The following IL1RAP variants were observed in gnomAD, a reference collection of about 807,000 sequenced individuals.
IL1RAP encodes interleukin 1 receptor accessory protein.
IL1RAP carries 35 observed loss-of-function variants against 60.7 expected under a neutral mutation model. The observed-to-expected ratio is 0.58, with a 90% CI of 0.44 to 0.76. IL1RAP has a LOEUF of 0.76. Among genes scored for constraint, IL1RAP ranks in the 30% least tolerant of loss-of-function variants. The probability of loss-of-function intolerance (pLI) is 0.00; values close to 1 mark genes in which losing one functional copy is unlikely to be tolerated. For synonymous variants in IL1RAP, 268 were observed against 250.9 expected (o/e 1.07, Z -0.64); for missense variants, 572 against 693.9 (o/e 0.82, Z 1.97).
chr3:190,526,069 A>C (rs1257167124), intron 1 of IL1RAP, among the ~76,000 whole-genome samples: 1 of 152,352 alleles, frequency 6.6e-6, no homozygotes, highest in South Asian at 2.1e-4. Flanking sequence ...GAAGTAGCTT[A>C]CAGGTCATCT....
At chr3:190,554,100 G>T (rs1238640123) in intron 1 of IL1RAP, among the ~76,000 whole-genome samples, 1 of 147,610 alleles carries the variant, frequency 6.8e-6, no homozygotes, top group Admixed American at 6.8e-5. Context: ...AAATGAGAGG[G>T]AAAGAGATTT....
intron 1 of IL1RAP, among the ~76,000 whole-genome samples, chr3:190,553,792 G>A (rs1725111361): frequency 6.6e-6 from 1 of 152,094 alleles, no homozygotes; most frequent in African/African-American, 2.4e-5. Flanking sequence ...CGGGCGCGGT[G>A]GCTCACGCCT....
intron 1 of IL1RAP, among the ~76,000 whole-genome samples, chr3:190,546,032 C>T (rs529456094): frequency 1.1e-4 from 17 of 152,234 alleles, no homozygotes; most frequent in African/African-American, 3.9e-4. Context: ...TGCCTGTAGT[C>T]ACCTCACACA....
At chr3:190,542,882 T>TA (rs1377648655) in intron 1 of IL1RAP, among the ~76,000 whole-genome samples, 1 of 107,596 alleles carries the variant, frequency 9.3e-6, no homozygotes, top group East Asian at 2.6e-4. Context: ...TAAGGGAATT[T>TA]TTTTTTTTTT....
chr3:190,604,693 C>T (rs1175518594), intron 4 of IL1RAP, among the ~76,000 whole-genome samples: 1 of 152,124 alleles, frequency 6.6e-6, no homozygotes, highest in African/African-American at 2.4e-5. Flanking sequence ...TCTCACCACA[C>T]CGGTTCCTGC....
chr3:190,644,793 G>A (rs1733894444), intron 10 of IL1RAP, among the ~76,000 whole-genome samples: 1 of 152,002 alleles, frequency 6.6e-6, no homozygotes, highest in Admixed American at 6.6e-5. Flanking sequence ...TGTTTTCTTT[G>A]GTACTAAAAA....
intron 5 of IL1RAP, among the ~76,000 whole-genome samples, chr3:190,615,625 C>T (rs1251237116): frequency 6.6e-6 from 1 of 152,162 alleles, no homozygotes; most frequent in Non-Finnish European, 1.5e-5. Flanking sequence ...AATGACTTTT[C>T]TATTATCTTT....
At chr3:190,533,194 G>A (rs1343428766) in intron 1 of IL1RAP, among the ~76,000 whole-genome samples, 1 of 152,158 alleles carries the variant, frequency 6.6e-6, no homozygotes, top group Non-Finnish European at 1.5e-5. Context: ...AGGTTGACAT[G>A]ACAAGGGATT....
chr3:190,556,376 T>TA (rs1018836833), intron 2 of IL1RAP, among the ~76,000 whole-genome samples, 160 bp downstream of exon 2: 2 of 151,626 alleles, frequency 1.3e-5, no homozygotes, highest in African/African-American at 4.8e-5. Context: ...ATAGCATTTT[T>TA]TATATATATA....
At chr3:190,617,128 A>T (rs1227519376) in intron 5 of IL1RAP, among the ~76,000 whole-genome samples, 2 of 152,092 alleles carry the variant, frequency 1.3e-5, no homozygotes, top group Non-Finnish European at 2.9e-5. Context: ...TTTCTTCATT[A>T]AGTTTTTCTA....
At chr3:190,521,399 G>C (rs560179857) in intron 1 of IL1RAP, among the ~76,000 whole-genome samples, 2 of 151,816 alleles carry the variant, frequency 1.3e-5, no homozygotes, top group East Asian at 3.9e-4. Flanking sequence ...CAGCCAAGCA[G>C]CTAATAAATA....
At chr3:190,537,050 T>C (rs1460607254) in intron 1 of IL1RAP, among the ~76,000 whole-genome samples, 1 of 152,140 alleles carries the variant, frequency 6.6e-6, no homozygotes, top group Non-Finnish European at 1.5e-5. Context: ...TTTTAGACAT[T>C]TACTTATTTA....
chr3:190,648,315 C>T (rs1734180494), intron 11 of IL1RAP, 23 bp from the exon 12 acceptor site: 10 of 1,553,084 alleles, frequency 6.4e-6, no homozygotes, highest in Non-Finnish European at 8.6e-6. Flanking sequence ...AACACTAATC[C>T]CCATGGTTGT....
intron 11 of IL1RAP, 42 bp from the exon 12 acceptor site, chr3:190,648,295 GT>G (rs35377038): frequency 2.0e-6 from 3 of 1,529,358 alleles, no homozygotes; most frequent in Non-Finnish European, 1.7e-6. Flanking sequence ...CTTTTGGGGA[GT>G]TTTTGGCCAA....
rs774347153 is a variant in IL1RAP, at chr3:190,645,750, A to G, written c.1253A>G (p.Glu418Gly). The change falls in exon 11 of 12, where the codon GAA (glutamate) becomes GGA (glycine). Residue 418 changes from glutamate to glycine, a missense_variant. By Grantham distance (98) the Glu-to-Gly change is moderately conservative. Transcript: ENST00000447382. Reference sequence around the variant, plus strand: ...TCCTATGCAAGGAATGCGGAAGAAGAAGAATTTGTATTACTGACCCTCCGT... The same window carrying G: ...TCCTATGCAAGGAATGCGGAAGAAGGAGAATTTGTATTACTGACCCTCCGT... ...YVSYARNAEEEEFVLLTLRGV... is the reference protein window; with the variant it reads ...YVSYARNAEEGEFVLLTLRGV... 6.2e-7 allele frequency: 1 copy of G among 1,613,148 alleles called. No homozygotes were observed. The highest frequency in any genetic ancestry group is 1.1e-5 in the South Asian group (1 of 91,056).
At chr3:190,656,319 C>A, downstream of IL1RAP, 1 of 1,537,224 alleles carries the variant, frequency 6.5e-7, no homozygotes, top group Non-Finnish European at 8.7e-7. Flanking sequence ...CTGCAGGTAG[C>A]CCTCCAGCCC....
At chr3:190,655,979 G>T, downstream of IL1RAP, 1 of 1,537,232 alleles carries the variant, frequency 6.5e-7, no homozygotes, top group Non-Finnish European at 8.7e-7. Flanking sequence ...AAGAGCATCA[G>T]CATGCTGGAG....
At chr3:190,602,281 G>A (rs1027123909) in intron 3 of IL1RAP, among the ~76,000 whole-genome samples, 4 of 152,120 alleles carry the variant, frequency 2.6e-5, no homozygotes, top group Admixed American at 1.3e-4. Context: ...CAGTTCTCAC[G>A]TGTAAGCAAA....
chr3:190,590,233 A>G (rs754680501), intron 3 of IL1RAP, among the ~76,000 whole-genome samples: 2 of 151,232 alleles, frequency 1.3e-5, no homozygotes, highest in Non-Finnish European at 2.9e-5. Context: ...CTATGTGGCA[A>G]CTGTGGACAG....
Sources: allele counts gnomAD v4.1 joint callset (sites outside exome capture counted in the v4.1 genomes callset), GRCh38; gene constraint gnomAD v4.1.1; transcripts MANE v1.5; gene names NCBI Gene and HGNC (gene_info 2026-07-23, HGNC 2026-07-21).